ZNF385B: variants seen among roughly 807,000 people sequenced by gnomAD.
The protein encoded by ZNF385B is zinc finger protein 385B, also known as zinc finger protein 533.
A neutral mutation model predicts 39.2 loss-of-function variants in ZNF385B; 23 were observed. That is an observed-to-expected ratio of 0.59 (90% confidence interval 0.42 to 0.83). ZNF385B has a LOEUF of 0.83. Among genes scored for constraint, ZNF385B ranks in the 40% least tolerant of loss-of-function variants. The pLI, the probability that ZNF385B is intolerant of heterozygous loss-of-function variation, is 0.00. For missense variants in ZNF385B, 552 were observed against 598.9 expected (o/e 0.92, Z 0.82); for synonymous variants, 205 against 222.6 (o/e 0.92, Z 0.70).
intron 3 of ZNF385B, among the ~76,000 whole-genome samples, chr2:179,754,088 T>C (rs886926519): frequency 1.3e-5 from 2 of 152,194 alleles, no homozygotes; most frequent in African/African-American, 4.8e-5. Context: ...ATAGCTCTTA[T>C]TATTTTCAGA....
chr2:179,841,471 A>T (rs1461238948), intron 1 of ZNF385B, among the ~76,000 whole-genome samples: 1 of 152,174 alleles, frequency 6.6e-6, no homozygotes, highest in Non-Finnish European at 1.5e-5. Flanking sequence ...TCTGGGAAGA[A>T]AGCAAGACTT....
intron 1 of ZNF385B, among the ~76,000 whole-genome samples, chr2:179,793,576 T>C (rs1218622772): frequency 6.6e-6 from 1 of 152,224 alleles, no homozygotes; most frequent in Non-Finnish European, 1.5e-5. Flanking sequence ...CCCGCCATCA[T>C]GTAAGACGTG....
chr2:179,855,218 G>GA (rs989005318), intron 1 of ZNF385B, among the ~76,000 whole-genome samples: 38 of 152,124 alleles, frequency 2.5e-4, no homozygotes, highest in African/African-American at 8.4e-4. Context: ...CAGCCAAAAA[G>GA]AAAAGAAAAA....
intron 1 of ZNF385B, among the ~76,000 whole-genome samples, chr2:179,811,614 C>T (rs1409520911): frequency 1.3e-5 from 2 of 152,082 alleles, no homozygotes; most frequent in African/African-American, 2.4e-5. Flanking sequence ...AAGAATAAAA[C>T]TAGACCTCTA....
chr2:179,576,017 C>G (rs1685769133), intron 3 of ZNF385B: 1 of 367,796 alleles, frequency 2.7e-6, no homozygotes, highest in Non-Finnish European at 3.8e-6. Context: ...GATAACTCCT[C>G]TCCTTGTATT....
At chr2:179,557,744 C>T (rs1232095842) in intron 3 of ZNF385B, among the ~76,000 whole-genome samples, 1 of 151,152 alleles carries the variant, frequency 6.6e-6, no homozygotes, top group Admixed American at 6.6e-5. Flanking sequence ...ATTTTAGATT[C>T]ATAGGGTACA....
intron 3 of ZNF385B, among the ~76,000 whole-genome samples, chr2:179,587,899 T>G (rs1050771139): frequency 3.9e-5 from 6 of 152,130 alleles, no homozygotes; most frequent in African/African-American, 1.4e-4. Context: ...ATCTGTGAAA[T>G]AAAACAAACT....
intron 3 of ZNF385B, among the ~76,000 whole-genome samples, chr2:179,616,445 C>T (rs191315458): frequency 3.0e-4 from 46 of 152,204 alleles, no homozygotes; most frequent in Admixed American, 2.1e-3. Context: ...ACGATTCTCT[C>T]GCCTCAGCCT....
At chr2:179,665,252 T>C (rs753792265) in intron 3 of ZNF385B, among the ~76,000 whole-genome samples, 36 of 152,216 alleles carry the variant, frequency 2.4e-4, no homozygotes, top group Admixed American at 7.2e-4. Context: ...TAATACAATA[T>C]TTATAGTGAG....
At chr2:179,465,789 T>A (rs2051936653) in intron 6 of ZNF385B, among the ~76,000 whole-genome samples, 1 of 152,204 alleles carries the variant, frequency 6.6e-6, no homozygotes, top group Non-Finnish European at 1.5e-5. Context: ...CATACCTTTA[T>A]AATCCTCTTC....
At chr2:179,583,136 C>T (rs1686726883) in intron 3 of ZNF385B, among the ~76,000 whole-genome samples, 1 of 152,102 alleles carries the variant, frequency 6.6e-6, no homozygotes, top group South Asian at 2.1e-4. Context: ...ACCTTCTTCA[C>T]CCTGTCCTAT....
intron 4 of ZNF385B, among the ~76,000 whole-genome samples, chr2:179,533,582 C>T (rs2059389064): frequency 6.6e-6 from 1 of 151,702 alleles, no homozygotes; most frequent in African/African-American, 2.4e-5. Flanking sequence ...ATGTGATTGG[C>T]AATTTAAATT....
chr2:179,564,047 A>G (rs568371852), intron 3 of ZNF385B, among the ~76,000 whole-genome samples: 124 of 152,320 alleles, frequency 8.1e-4, no homozygotes, highest in South Asian at 2.3e-3. Flanking sequence ...TTAGTTCAGT[A>G]GTACACAAAG....
chr2:179,620,646 C>T (rs115703159), intron 3 of ZNF385B, among the ~76,000 whole-genome samples: 4 of 151,888 alleles, frequency 2.6e-5, no homozygotes, highest in Non-Finnish European at 4.4e-5. Context: ...TTTGGCAGAT[C>T]GGTAAAGAAT....
At chr2:179,506,276 T>A (rs1432518409) in intron 5 of ZNF385B, among the ~76,000 whole-genome samples, 1 of 152,120 alleles carries the variant, frequency 6.6e-6, no homozygotes, top group East Asian at 1.9e-4. Flanking sequence ...AATTCTTTCA[T>A]TTTGTGATTA....
At chr2:179,827,761 A>G (rs1427110248) in intron 1 of ZNF385B, among the ~76,000 whole-genome samples, 1 of 152,186 alleles carries the variant, frequency 6.6e-6, no homozygotes, top group Non-Finnish European at 1.5e-5. Context: ...GCATACAAGC[A>G]AACATCATAG....
At position 179,809,550 on chromosome 2, in the gene ZNF385B, T is replaced by C. The variant is rs78809669; in HGVS notation, c.-154-38878A>G. Reference sequence around the variant, plus strand: ...TTCTATCGTTGAGTCTTATGCTACATACAGTGCTAAAAAATTTAATCATAG... The same window carrying C: ...TTCTATCGTTGAGTCTTATGCTACACACAGTGCTAAAAAATTTAATCATAG... On this transcript the variant is annotated intron_variant, in intron 1 of 9. Coordinates refer to ENST00000410066, the MANE Select transcript of ZNF385B (RefSeq NM_152520.6). Among the ~76,000 whole-genome samples, 1,229 of 152,232 alleles carry C rather than the reference T, an allele frequency of 8.1e-3. 17 individuals are homozygous for C. Among genetic ancestry groups the C allele is most frequent in the African/African-American group, 0.027 (1,143 of 41,568 alleles).
At chr2:179,701,782 C>T (rs1216120230) in intron 3 of ZNF385B, among the ~76,000 whole-genome samples, 2 of 152,206 alleles carry the variant, frequency 1.3e-5, no homozygotes, top group Admixed American at 1.3e-4. Context: ...CAGTAACTGG[C>T]ATCTCAACAA....
At chr2:179,807,286 T>C (rs1706411114) in intron 1 of ZNF385B, among the ~76,000 whole-genome samples, 1 of 152,136 alleles carries the variant, frequency 6.6e-6, no homozygotes, top group Non-Finnish European at 1.5e-5. Flanking sequence ...AAAATTATAA[T>C]GTCAAATTAA....
Sources: gnomAD v4.1 joint callset for allele counts (sites outside exome capture counted in the v4.1 genomes callset) on GRCh38, gnomAD v4.1.1 for gene constraint, MANE v1.5 for transcripts, NCBI Gene and HGNC (gene_info 2026-07-23, HGNC 2026-07-21) for gene names.